The following PTPRD variants were observed in gnomAD, a reference collection of about 807,000 sequenced individuals.
The protein encoded by PTPRD is receptor-type tyrosine-protein phosphatase delta.
PTPRD carries 34 observed loss-of-function variants against 214.5 expected under a neutral mutation model. The ratio of observed to expected loss-of-function variants is 0.16; its 90% CI spans 0.12 to 0.21. The LOEUF is 0.21. Ranked by LOEUF, PTPRD falls within the 10% of genes least tolerant of loss-of-function variation. PTPRD has a pLI of 1.00. For missense variants in PTPRD, 2,545 were observed against 2,398.7 expected (o/e 1.06, Z -1.27); for synonymous variants, 1,128 against 845.7 (o/e 1.33, Z -5.79).
chr9:9,068,705 T>G (rs2099739165), intron 10 of PTPRD, among the ~76,000 whole-genome samples: 1 of 152,070 alleles, frequency 6.6e-6, no homozygotes, highest in African/African-American at 2.4e-5. Context: ...TCCGTCTCCC[T>G]GGTTCCAGCA....
chr9:8,578,350 C>A (rs1232994801), intron 14 of PTPRD, among the ~76,000 whole-genome samples: 1 of 151,922 alleles, frequency 6.6e-6, no homozygotes. Flanking sequence ...CGAACAGAGC[C>A]CCCACCCTCC....
chr9:9,072,681 T>C (rs1198521079), intron 10 of PTPRD, among the ~76,000 whole-genome samples: 1 of 152,226 alleles, frequency 6.6e-6, no homozygotes, highest in East Asian at 1.9e-4. Context: ...CTGTGATTTG[T>C]ATTACTATGA....
chr9:8,821,484 G>C (rs1191902798), intron 11 of PTPRD, among the ~76,000 whole-genome samples: 1 of 152,142 alleles, frequency 6.6e-6, no homozygotes, highest in East Asian at 1.9e-4. Flanking sequence ...CCTTGGATAA[G>C]GCCCAAGAGG....
intron 13 of PTPRD, among the ~76,000 whole-genome samples, chr9:8,634,329 G>A (rs1324741032): frequency 6.6e-6 from 1 of 151,550 alleles, no homozygotes; most frequent in Non-Finnish European, 1.5e-5. Context: ...CATTCCTTCA[G>A]CTGTTCACTG....
rs545492839 is a variant in PTPRD at position 8,331,509 on chromosome 9, C to A, written c.5534+73G>T. 5.9e-5 allele frequency: 90 copies of A among 1,526,970 alleles called. No homozygotes were observed. In the South Asian group the frequency reaches 8.3e-4, roughly 14 times the overall value. 94.6% of individuals were successfully genotyped at this position (1,526,970 alleles called of 1,614,324 possible). ...ATAAAATTTCAAATAAGCAAACTTACTACAAAAAGTGTATACAGACAATGA... is the reference window on the plus strand; with the variant it reads ...ATAAAATTTCAAATAAGCAAACTTAATACAAAAAGTGTATACAGACAATGA... On this transcript the variant is annotated intron_variant, in intron 44 of 45. Coordinates refer to ENST00000381196, the MANE Select transcript of PTPRD (RefSeq NM_002839.4).
chr9:10,233,097 A>G (rs1489912955), intron 3 of PTPRD, among the ~76,000 whole-genome samples: 2 of 152,032 alleles, frequency 1.3e-5, no homozygotes, highest in Admixed American at 1.3e-4. Flanking sequence ...GTTGTGTATT[A>G]AATTACTGAA....
intron 3 of PTPRD, among the ~76,000 whole-genome samples, chr9:10,240,973 C>T (rs1162923853): frequency 2.0e-5 from 3 of 150,684 alleles, no homozygotes; most frequent in Non-Finnish European, 4.4e-5. Flanking sequence ...ACAACAAAGG[C>T]CTCATATATT....
chr9:9,237,025 T>G lies in PTPRD; in HGVS notation c.-202-53662A>C, dbSNP rs1009028337. On this transcript the variant is annotated intron_variant, in intron 9 of 45. Coordinates refer to ENST00000381196, the MANE Select transcript of PTPRD (RefSeq NM_002839.4). ...ACTTGTCAGATATAACTTTGGTTCTTATTTGTTTGACTTTCTCTACTAAGC... is the reference window on the plus strand; with the variant it reads ...ACTTGTCAGATATAACTTTGGTTCTGATTTGTTTGACTTTCTCTACTAAGC... Among the ~76,000 whole-genome samples the G allele has an allele frequency of 3.3e-5, 5 of 152,326 alleles. No individual in the cohort carries two copies. The East Asian group carries it at 9.7e-4, about 29-fold the overall frequency.
At chr9:9,661,537 A>G (rs769356658) in intron 7 of PTPRD, among the ~76,000 whole-genome samples, 2 of 151,880 alleles carry the variant, frequency 1.3e-5, no homozygotes, top group Non-Finnish European at 2.9e-5. Flanking sequence ...TAGACAATAT[A>G]GAATACTTAT....
At chr9:8,436,988 C>G (rs1485086395) in intron 34 of PTPRD, among the ~76,000 whole-genome samples, 1 of 152,140 alleles carries the variant, frequency 6.6e-6, no homozygotes, top group Non-Finnish European at 1.5e-5. Context: ...AAAAAACTGA[C>G]AGTCAGGCTT....
intron 7 of PTPRD, among the ~76,000 whole-genome samples, chr9:9,676,198 C>T (rs1024994269): frequency 6.6e-6 from 1 of 151,998 alleles, no homozygotes; most frequent in Non-Finnish European, 1.5e-5. Context: ...CGTATGTATA[C>T]ATGTGCCATG....
rs2096640164 is a variant in PTPRD, at chr9:8,470,875, C to T, written c.3504+120G>A. On this transcript the variant is annotated intron_variant, in intron 31 of 45. Coordinates refer to ENST00000381196, the MANE Select transcript of PTPRD (RefSeq NM_002839.4). ...TGCCCATAGCACTGAACCATCCAAC[C>T]AGCTAGGTATGGAGAAGCCAGCACC... 5 of 813,854 alleles carry T rather than the reference C, an allele frequency of 6.1e-6. No individual in the cohort carries two copies. In the Admixed American group the frequency reaches 9.4e-5, roughly 15 times the overall value. 50.4% of individuals were successfully genotyped at this position (813,854 alleles called of 1,614,324 possible).
chr9:10,484,735 G>C (rs547548180), intron 2 of PTPRD, among the ~76,000 whole-genome samples: 4 of 151,794 alleles, frequency 2.6e-5, no homozygotes, highest in Non-Finnish European at 5.9e-5. Context: ...TTCCTATATA[G>C]TTGTTTGAGC....
intron 9 of PTPRD, among the ~76,000 whole-genome samples, chr9:9,245,217 A>G (rs997431514): frequency 2.0e-5 from 3 of 152,174 alleles, no homozygotes; most frequent in Admixed American, 6.5e-5. Flanking sequence ...ACTATTGTGG[A>G]AAACAGTATG....
chr9:10,410,072 A>C (rs111340478), intron 2 of PTPRD, among the ~76,000 whole-genome samples: 6 of 151,586 alleles, frequency 4.0e-5, no homozygotes, highest in African/African-American at 1.5e-4. Flanking sequence ...GAATAATTAT[A>C]TAGCAATAGA....
rs990083213 is a variant in PTPRD, at chr9:8,317,504, C to T, written c.*370G>A. The T allele has an allele frequency of 7.7e-6, 2 of 258,738 alleles. No homozygotes were observed. Among genetic ancestry groups the T allele is most frequent in the Non-Finnish European group, 1.5e-5 (2 of 131,382 alleles). The allele number at this position is 258,738 out of a possible 1,614,324, so 16.0% of individuals were successfully genotyped here. The stretch of plus-strand genomic sequence containing the variant: ...TGTGAGAAGCCACACCAGCACATAT[C>T]TTGTGCTGAACTGCAGCATTCTGGC... On this transcript the variant is annotated 3_prime_UTR_variant, in exon 46 of 46. Transcript: ENST00000381196.
intron 11 of PTPRD, among the ~76,000 whole-genome samples, chr9:8,884,015 G>A (rs13287579): frequency 0.22 from 33,874 of 152,132 alleles, 4,452 homozygotes; most frequent in Non-Finnish European, 0.3. Flanking sequence ...GCTTTATGTT[G>A]CCTCATTTAT....
chr9:8,401,069 C>A (rs1409897349), intron 36 of PTPRD, among the ~76,000 whole-genome samples: 4 of 152,096 alleles, frequency 2.6e-5, no homozygotes, highest in African/African-American at 9.7e-5. Flanking sequence ...CAAGTTTAGG[C>A]ATAATATTAT....
intron 2 of PTPRD, among the ~76,000 whole-genome samples, chr9:10,553,531 T>C (rs1318385237): frequency 6.6e-6 from 1 of 151,674 alleles, no homozygotes; most frequent in Non-Finnish European, 1.5e-5. Flanking sequence ...GTACATATTC[T>C]CTCCAAGGAT....
Sources: allele counts gnomAD v4.1 joint callset (sites outside exome capture counted in the v4.1 genomes callset), GRCh38; gene constraint gnomAD v4.1.1; transcripts MANE v1.5; gene names NCBI Gene and HGNC (gene_info 2026-07-23, HGNC 2026-07-21).